Variants in KIF6 observed in about 807,000 individuals in gnomAD.
KIF6 encodes the protein kinesin family member 6.
In KIF6, 106 loss-of-function variants were observed where a neutral mutation model predicts 112.7. The observed-to-expected ratio is 0.94, with a 90% CI of 0.80 to 1.11. The LOEUF (loss-of-function observed/expected upper bound fraction) is 1.11, where lower values mean the gene tolerates loss of function less well. Among genes scored for constraint, KIF6 ranks in the 50% least tolerant of loss-of-function variants. The pLI is 0.00. For missense variants in KIF6, 929 were observed against 964.0 expected, an observed-to-expected ratio of 0.96 and a Z score of 0.48; for synonymous variants, 339 against 339.9, an observed-to-expected ratio of 1.00 and a Z score of 0.03.
intron 13 of KIF6, among the ~76,000 whole-genome samples, chr6:39,531,501 T>C (rs770717135): frequency 6.6e-5 from 10 of 152,074 alleles, no homozygotes; most frequent in Non-Finnish European, 8.8e-5. Context: ...GGTACAATAG[T>C]GTGTGCCTTT....
chr6:39,673,770 T>A (rs1401763386), intron 3 of KIF6, among the ~76,000 whole-genome samples: 1 of 152,216 alleles, frequency 6.6e-6, no homozygotes. Flanking sequence ...GAATGTTGTT[T>A]GGGGTTATAG....
At chr6:39,644,444 A>G in intron 3 of KIF6, among the ~76,000 whole-genome samples, 1 of 152,202 alleles carries the variant, frequency 6.6e-6, no homozygotes, top group East Asian at 1.9e-4. Context: ...GTGGATAAAC[A>G]AGATGTACTG....
At chr6:39,395,607 T>TG (rs1768207014) in intron 15 of KIF6, among the ~76,000 whole-genome samples, 1 of 152,206 alleles carries the variant, frequency 6.6e-6, no homozygotes. Flanking sequence ...AGAAATGTTG[T>TG]GGGGGGTGAG....
chr6:39,586,348 C>G lies in KIF6; in HGVS notation c.903G>C (p.Met301Ile). The G allele has an allele frequency of 6.2e-7, 1 of 1,614,050 alleles. No individual in the cohort carries two copies. Among genetic ancestry groups the G allele is most frequent in the Non-Finnish European group, 8.5e-7 (1 of 1,179,884 alleles). Residue 301 changes from methionine (M) to isoleucine (I), a missense_variant, in exon 8 of 23, where the codon ATG becomes ATC. By Grantham distance (10) the Met-to-Ile change is conservative (BLOSUM62 1). Coordinates refer to ENST00000287152, the MANE Select transcript of KIF6 (RefSeq NM_145027.6). ...AACTGTCTCTTAGGACACTGGTCAT[C>G]ATGGAGTTTCTATAAGGAATGTGCG... is the stretch of plus-strand genomic sequence containing the variant. ...HRSHIPYRNS[M>I]MTSVLRDSLG...
At chr6:39,681,202 T>C (rs1333721400) in intron 3 of KIF6, among the ~76,000 whole-genome samples, 1 of 152,156 alleles carries the variant, frequency 6.6e-6, no homozygotes, top group Non-Finnish European at 1.5e-5. Flanking sequence ...ACAATGACCA[T>C]TACAATGAAG....
intron 13 of KIF6, among the ~76,000 whole-genome samples, chr6:39,522,015 C>T (rs111248056): frequency 0.032 from 4,817 of 152,228 alleles, 125 homozygotes; most frequent in Middle Eastern, 0.071. Flanking sequence ...GAGAACCTGC[C>T]CACTCTGCTC....
At chr6:39,724,685 G>T (rs754633726) in intron 1 of KIF6, among the ~76,000 whole-genome samples, 26 of 152,206 alleles carry the variant, frequency 1.7e-4, no homozygotes, top group Non-Finnish European at 2.6e-4. Context: ...TCACGTTTAT[G>T]TTGGAGAATA....
At position 39,432,466 on chromosome 6, in the gene KIF6, G is replaced by A. The variant is rs1771232054; in HGVS notation, c.1646-1305C>T. 2.0e-5 allele frequency among the ~76,000 whole-genome samples: 3 copies of A among 152,210 alleles called. No homozygotes were observed. In the South Asian group the frequency reaches 6.2e-4, roughly 32 times the overall value. On this transcript the variant is annotated intron_variant, in intron 13 of 22. Coordinates refer to ENST00000287152, the MANE Select transcript of KIF6 (RefSeq NM_145027.6). ...GTCCCATCACCCATCCTAAGGGTGA[G>A]TAACTGGACTAGCCCATCTGACACC...
intron 13 of KIF6, among the ~76,000 whole-genome samples, chr6:39,481,124 T>C (rs1774769144): frequency 6.6e-6 from 1 of 152,168 alleles, no homozygotes; most frequent in Non-Finnish European, 1.5e-5. Flanking sequence ...GAAGCACGTA[T>C]AGCATGCTAT....
chr6:39,568,223 T>C (rs1273105224), intron 10 of KIF6, among the ~76,000 whole-genome samples: 1 of 152,104 alleles, frequency 6.6e-6, no homozygotes, highest in Admixed American at 6.6e-5. Context: ...AATAACTCTG[T>C]ATACAGGGGG....
intron 15 of KIF6, among the ~76,000 whole-genome samples, chr6:39,414,742 TA>T (rs960585275): frequency 6.6e-6 from 1 of 152,192 alleles, no homozygotes; most frequent in African/African-American, 2.4e-5. Context: ...GGAAACTGAA[TA>T]ACAACTGAGA....
At chr6:39,724,643 T>A (rs1016281362) in intron 1 of KIF6, among the ~76,000 whole-genome samples, 15 of 152,182 alleles carry the variant, frequency 9.9e-5, no homozygotes, top group African/African-American at 3.1e-4. Context: ...CATCTACCTA[T>A]ATCTATTAAT....
At chr6:39,552,992 A>G (rs926592644) in intron 10 of KIF6, among the ~76,000 whole-genome samples, 3 of 152,228 alleles carry the variant, frequency 2.0e-5, no homozygotes, top group African/African-American at 7.2e-5. Flanking sequence ...AACTATACAA[A>G]AATTTTTCAG....
chr6:39,363,017 C>T (rs920092973), intron 16 of KIF6, among the ~76,000 whole-genome samples: 27 of 152,074 alleles, frequency 1.8e-4, no homozygotes, highest in African/African-American at 2.2e-4. Context: ...GGCGTGGTGG[C>T]GGGCGCCTAT....
intron 13 of KIF6, among the ~76,000 whole-genome samples, chr6:39,537,320 T>C (rs946106496): frequency 1.3e-5 from 2 of 152,106 alleles, no homozygotes; most frequent in African/African-American, 2.4e-5. Context: ...GAAAACCCCA[T>C]TGTCTCAGCC....
chr6:39,402,656 G>A (rs565100903), intron 15 of KIF6, among the ~76,000 whole-genome samples: 40 of 152,192 alleles, frequency 2.6e-4, no homozygotes, highest in South Asian at 1.0e-3. Flanking sequence ...CTCCACCAAC[G>A]AGGCCTGACT....
At chr6:39,372,010 G>T (rs1766041609) in intron 16 of KIF6, among the ~76,000 whole-genome samples, 1 of 152,104 alleles carries the variant, frequency 6.6e-6, no homozygotes, top group Non-Finnish European at 1.5e-5. Flanking sequence ...GCCTTAGCAG[G>T]CTAAGGAAGG....
At chr6:39,414,712 G>C (rs1769773483) in intron 15 of KIF6, among the ~76,000 whole-genome samples, 2 of 152,188 alleles carry the variant, frequency 1.3e-5, no homozygotes, top group African/African-American at 4.8e-5. Flanking sequence ...TATCGTGTAG[G>C]ATAAAGGCCA....
At chr6:39,571,554 T>A (rs189666278) in intron 10 of KIF6, among the ~76,000 whole-genome samples, 22 of 152,304 alleles carry the variant, frequency 1.4e-4, no homozygotes, top group Admixed American at 1.4e-3. Flanking sequence ...TTTTGTTTAT[T>A]CCCATATTTC....
Sources: gnomAD v4.1 joint callset for allele counts (sites outside exome capture counted in the v4.1 genomes callset) on GRCh38, gnomAD v4.1.1 for gene constraint, MANE v1.5 for transcripts, NCBI Gene and HGNC (gene_info 2026-07-23, HGNC 2026-07-21) for gene names.